PHLDB2: variants seen among roughly 807,000 people sequenced by gnomAD.
PHLDB2 encodes the protein pleckstrin homology-like domain family B member 2.
A neutral mutation model predicts 123.6 loss-of-function variants in PHLDB2; 71 were observed. The ratio of observed to expected loss-of-function variants is 0.57; its 90% CI spans 0.47 to 0.70. The LOEUF is 0.70. Among genes scored for constraint, PHLDB2 ranks in the 30% least tolerant of loss-of-function variants. PHLDB2 has a pLI of 0.00. For synonymous variants in PHLDB2, 547 were observed against 541.6 expected, an observed-to-expected ratio of 1.01 and a Z score of -0.14; for missense variants, 1,446 against 1,519.5, an observed-to-expected ratio of 0.95 and a Z score of 0.80.
At position 111,769,580 on chromosome 3, in the gene PHLDB2, T is replaced by C. The variant is rs537351700; in HGVS notation, c.-49+36877T>C. ...ATACAGCATACGACTACAGTGCTGA[T>C]AGCAAGTTTAAGAAGGTTCAACCTA... On this transcript the variant is annotated intron_variant, in intron 1 of 17. Transcript: ENST00000393923. 1.5e-4 allele frequency among the ~76,000 whole-genome samples: 23 copies of C among 152,360 alleles called. No homozygotes were observed. The South Asian group carries it at 4.8e-3, about 32-fold the overall frequency.
chr3:111,780,297 G>GAAGAAGAAGAAGAATAAGAAGAAGAA (rs1559827048), intron 1 of PHLDB2, among the ~76,000 whole-genome samples: 1 of 7,178 alleles, frequency 1.4e-4, no homozygotes, highest in African/African-American at 4.1e-4. Context: ...AAGAAGAAGA[G>GAAGAAGAAGAAGAATAAGAAGAAGAA]GAAGAGGAAG....
rs190075813 is a variant in PHLDB2, at chr3:111,942,407, T to C, written c.2397+1762T>C. On this transcript the variant is annotated intron_variant, in intron 8 of 17. Transcript: ENST00000431670. ...ATTATGTCTACTTGCTAAAATGTAT[T>C]TGTAACCTCTAAATTGATACTTGTG... 3.8e-3 allele frequency among the ~76,000 whole-genome samples: 573 copies of C among 152,318 alleles called. 3 individuals carry two copies. The highest frequency in any genetic ancestry group is 9.7e-3 in the South Asian group (47 of 4,832).
In PHLDB2 at chr3:111,920,360, G is replaced by A. The variant is rs2068427871; in HGVS notation, c.1942G>A (p.Asp648Asn). 6.2e-7 allele frequency: 1 copy of A among 1,614,030 alleles called. No homozygotes were observed. Among genetic ancestry groups the A allele is most frequent in the East Asian group, 2.2e-5 (1 of 44,882 alleles). ...TELMKEKEIL[D>N]HLNRKIAELE... Reference sequence around the variant, plus strand: ...ACTTATGAAGGAGAAGGAGATTTTGGATCATCTAAACCGGAAAATAGCTGA... The same window carrying A: ...ACTTATGAAGGAGAAGGAGATTTTGAATCATCTAAACCGGAAAATAGCTGA... Residue 648 changes from aspartate (D) to asparagine (N), a missense_variant, in exon 5 of 18, where the codon GAT (aspartate) becomes AAT (asparagine). This residue lies in a region of PHLDB2 where 832 missense variants were observed against 831.9 expected (regional missense o/e 1.00). Coordinates refer to ENST00000431670, the MANE Select transcript of PHLDB2 (RefSeq NM_001134438.2).
chr3:111,781,640 G>C lies in PHLDB2; in HGVS notation c.-49+48937G>C, dbSNP rs141427174. Among the ~76,000 whole-genome samples, 563 of 152,150 alleles carry C rather than the reference G, an allele frequency of 3.7e-3. 4 individuals carry two copies. The highest frequency in any genetic ancestry group is 0.013 in the African/African-American group (522 of 41,530). On this transcript the variant is annotated intron_variant, in intron 1 of 17. Transcript: ENST00000393923. ...TTGTGGATATCCACAACAAGAACAG[G>C]CTCACATAGATAACAGAAATGATCA...
intron 1 of PHLDB2, among the ~76,000 whole-genome samples, chr3:111,802,710 A>G (rs1028557656): frequency 6.6e-6 from 1 of 152,232 alleles, no homozygotes; most frequent in Non-Finnish European, 1.5e-5. Flanking sequence ...TACATTCGTT[A>G]CAGCAGAGTG....
At chr3:111,911,517 C>A (rs932346609) in intron 2 of PHLDB2, 2 of 1,014,804 alleles carry the variant, frequency 2.0e-6, no homozygotes, top group African/African-American at 1.6e-5. Context: ...AAGGCTATGT[C>A]CCCCCTGCTT....
At position 111,780,399 on chromosome 3, in the gene PHLDB2, A is replaced by AGAAGAAGAAGGAG. The variant is rs1553726800; in HGVS notation, c.-49+47706_-49+47707insGAGGAAGAAGAAG. Among the ~76,000 whole-genome samples, 40 of 74,448 alleles carry AGAAGAAGAAGGAG rather than the reference A, an allele frequency of 5.4e-4. 3 individuals carry two copies. Among genetic ancestry groups the AGAAGAAGAAGGAG allele is most frequent in the East Asian group, 1.7e-3 (4 of 2,306 alleles). 48.8% of individuals were successfully genotyped at this position (74,448 alleles called of 152,430 possible). On this transcript the variant is annotated intron_variant, in intron 1 of 17. Coordinates refer to the PHLDB2 transcript ENST00000393923. ...AAGAAGAAGAAGAAGAAGAAGAAGA[A>AGAAGAAGAAGGAG]GAAGAAGAAGAAAAAGATTAGTTCG... is the stretch of plus-strand genomic sequence containing the variant.
At position 111,885,058 on chromosome 3, in the gene PHLDB2, T is replaced by C; in HGVS notation, c.981T>C (p.Ser327=). 1 of 1,614,212 alleles carries C rather than the reference T, an allele frequency of 6.2e-7. No individual in the cohort carries two copies. ...CTGAAGGCAATCCTTATGTAAGTTCTACCCTCAGTGTCCCTGCCAGTCCAC... is the reference window on the plus strand; with the variant it reads ...CTGAAGGCAATCCTTATGTAAGTTCCACCCTCAGTGTCCCTGCCAGTCCAC... The part of the protein sequence containing the change: ...SASEGNPYVS[S]TLSVPASPRV... The change falls in exon 2 of 18, where the codon TCT becomes TCC. Residue 327 remains serine (S), a synonymous_variant. Coordinates refer to ENST00000431670, the MANE Select transcript of PHLDB2 (RefSeq NM_001134438.2).
At chr3:111,744,878 T>C (rs1170856620) in intron 1 of PHLDB2, among the ~76,000 whole-genome samples, 1 of 152,232 alleles carries the variant, frequency 6.6e-6, no homozygotes, top group Non-Finnish European at 1.5e-5. Flanking sequence ...AGAATAACTG[T>C]GAACTATTGT....
rs537293897 is a variant in PHLDB2, at chr3:111,885,123, G to A, written c.1046G>A (p.Cys349Tyr). ...ATGCTTCTGGCCTCCACCTCCTCCT[G>A]TGCCTCTGATGACTTTGATCAGGCT... ...RKMLLASTSSCASDDFDQASY... is the reference protein window; with the variant it reads ...RKMLLASTSSYASDDFDQASY... The change falls in exon 2 of 18, where the codon TGT (cysteine) becomes TAT (tyrosine). Residue 349 changes from cysteine to tyrosine, a missense_variant. Physicochemically the swap from Cys to Tyr is radical, Grantham distance 194. This residue lies in a region of PHLDB2 where 832 missense variants were observed against 831.9 expected (regional missense o/e 1.00). Coordinates refer to ENST00000431670, the MANE Select transcript of PHLDB2 (RefSeq NM_001134438.2). 5 of 1,598,466 alleles carry A rather than the reference G, an allele frequency of 3.1e-6. No homozygotes were observed. In the Admixed American group the frequency reaches 8.4e-5, roughly 27 times the overall value.
intron 5 of PHLDB2, 108 bp downstream of exon 5, chr3:111,920,527 T>C (rs2068435330): frequency 1.5e-6 from 2 of 1,368,340 alleles, no homozygotes; most frequent in African/African-American, 1.5e-5. Flanking sequence ...TTGTGTGTCA[T>C]GTTCCTGGAG....
chr3:111,737,971 G>A (rs1195403006), intron 1 of PHLDB2, among the ~76,000 whole-genome samples: 3 of 152,120 alleles, frequency 2.0e-5, no homozygotes, highest in African/African-American at 7.2e-5. Context: ...AGAAAACCCA[G>A]GAGAGGTCGG....
chr3:111,751,764 A>G (rs545084729), intron 1 of PHLDB2, among the ~76,000 whole-genome samples: 62 of 152,184 alleles, frequency 4.1e-4, no homozygotes, highest in African/African-American at 1.5e-3. Context: ...GGTGCAGCAC[A>G]CCAACATGGT....
intron 2 of PHLDB2, among the ~76,000 whole-genome samples, chr3:111,909,776 T>TA (rs552148205): frequency 2.4e-3 from 339 of 140,286 alleles, no homozygotes; most frequent in Middle Eastern, 7.6e-3. Flanking sequence ...TAGGTCCTCC[T>TA]AAAAAAAAAA....
chr3:111,866,310 G>A (rs995757488), intron 1 of PHLDB2, among the ~76,000 whole-genome samples: 3 of 151,984 alleles, frequency 2.0e-5, no homozygotes, highest in African/African-American at 7.3e-5. Flanking sequence ...GAGCCACCGA[G>A]CCCGGCCTCA....
intron 1 of PHLDB2, among the ~76,000 whole-genome samples, chr3:111,794,620 A>T (rs2061074470): frequency 6.6e-6 from 1 of 152,202 alleles, no homozygotes; most frequent in African/African-American, 2.4e-5. Flanking sequence ...CCCTCAAGAA[A>T]GGTTAAACAA....
chr3:111,772,224 A>G (rs1007403168), intron 1 of PHLDB2, among the ~76,000 whole-genome samples: 3 of 151,920 alleles, frequency 2.0e-5, no homozygotes, highest in African/African-American at 7.3e-5. Context: ...TACTGTTACT[A>G]TTTTTCCAGA....
At chr3:111,957,857 T>C (rs759103123) in intron 12 of PHLDB2, among the ~76,000 whole-genome samples, 1 of 152,238 alleles carries the variant, frequency 6.6e-6, no homozygotes, top group Non-Finnish European at 1.5e-5. Context: ...AATAATTGAA[T>C]GGCATTTTAC....
intron 1 of PHLDB2, among the ~76,000 whole-genome samples, chr3:111,775,393 G>GCTCTTTAGAGC (rs2060250907): frequency 6.6e-6 from 1 of 152,174 alleles, no homozygotes; most frequent in African/African-American, 2.4e-5. Flanking sequence ...GCATGTAGAT[G>GCTCTTTAGAGC]ATACTTTAGA....
Sources: allele counts gnomAD v4.1 joint callset (sites outside exome capture counted in the v4.1 genomes callset), GRCh38; gene constraint gnomAD v4.1.1; regional missense constraint gnomAD v4.1.1; transcripts MANE v1.5; gene names NCBI Gene and HGNC (gene_info 2026-07-23, HGNC 2026-07-21).